NSD2: variants seen among roughly 807,000 people sequenced by gnomAD.
NSD2 encodes the protein nuclear receptor binding SET domain protein 2, also known as histone-lysine N-methyltransferase NSD2.
A neutral mutation model predicts 139.0 loss-of-function variants in NSD2; 12 were observed. That is an observed-to-expected ratio of 0.09 (90% CI 0.06 to 0.14). The LOEUF is 0.14. NSD2 is among the 10% of genes least tolerant of loss of function. NSD2 has a pLI of 1.00. For synonymous variants in NSD2, 669 were observed against 648.7 expected, an observed-to-expected ratio of 1.03 and a Z score of -0.48; for missense variants, 1,155 against 1,745.0, an observed-to-expected ratio of 0.66 and a Z score of 6.02.
Position 1,979,061 on chromosome 4 carries a change from C to T in NSD2, c.*152C>T. The T allele has an allele frequency of 3.1e-6, 3 of 969,508 alleles. No homozygotes were observed. The highest frequency in any genetic ancestry group is 4.3e-6 in the Non-Finnish European group (3 of 693,530). 60.1% of individuals were successfully genotyped at this position (969,508 alleles called of 1,614,324 possible). ...TCCTCGGGAGGGAGCGCCTCCCCAC[C>T]ACTGAGCCATCCTCAGCAGCGTCCG... is the stretch of plus-strand genomic sequence containing the variant. On this transcript the variant is annotated 3_prime_UTR_variant, in exon 22 of 22. Transcript: ENST00000508803.
At chr4:1,961,605 T>G (rs1725378116) in intron 18 of NSD2, among the ~76,000 whole-genome samples, 1 of 152,192 alleles carries the variant, frequency 6.6e-6, no homozygotes. Flanking sequence ...TTCTAACCAT[T>G]TTGGAACCTA....
At chr4:1,902,348 C>T (rs1297694930) in intron 2 of NSD2, among the ~76,000 whole-genome samples, 1 of 152,114 alleles carries the variant, frequency 6.6e-6, no homozygotes. Flanking sequence ...CCTCACCCTC[C>T]TGAGTAGTTG....
In NSD2 at chr4:1,900,785, G is replaced by T. The variant is rs1249333230; in HGVS notation, c.131G>T (p.Cys44Phe). ...CCGAGCTGCGAGGTGAACCGCGAGTGTTCTGTGTTCCTCAGCAAAGCCCAG... is the reference window on the plus strand; with the variant it reads ...CCGAGCTGCGAGGTGAACCGCGAGTTTTCTGTGTTCCTCAGCAAAGCCCAG... Reference protein sequence around the residue: ...KTPSCEVNRECSVFLSKAQLS... With the variant: ...KTPSCEVNREFSVFLSKAQLS... Residue 44 changes from cysteine (C) to phenylalanine (F), a missense_variant, in exon 2 of 22, where the codon TGT becomes TTT. By Grantham distance (205) the Cys-to-Phe change is radical. Transcript: ENST00000508803. The T allele has an allele frequency of 1.2e-6, 2 of 1,614,178 alleles. No individual in the cohort carries two copies. Among genetic ancestry groups the T allele is most frequent in the South Asian group, 2.2e-5 (2 of 91,082 alleles).
intron 1 of NSD2, among the ~76,000 whole-genome samples, chr4:1,877,958 G>A (rs879322410): frequency 1.2e-4 from 19 of 152,108 alleles, no homozygotes; most frequent in Non-Finnish European, 2.1e-4. Flanking sequence ...CAGCCCAGGA[G>A]TTTGAGGTTG....
intron 1 of NSD2, among the ~76,000 whole-genome samples, chr4:1,872,631 A>AGAGAGAGAGAGAGAGAGG (rs984225040): frequency 2.3e-5 from 3 of 133,312 alleles, no homozygotes; most frequent in East Asian, 2.2e-4. Flanking sequence ...AGAGAGAGAG[A>AGAGAGAGAGAGAGAGAGG]GAGAGCGCGC....
chr4:1,962,756 G>T (rs990256986), intron 18 of NSD2, among the ~76,000 whole-genome samples: 17 of 152,170 alleles, frequency 1.1e-4, no homozygotes, highest in South Asian at 4.2e-4. Context: ...CTGCAGCCTC[G>T]ATCTCCTGGG....
chr4:1,872,591 T>TGTGTGTGTGTGAGAGA (rs1281608141), intron 1 of NSD2, among the ~76,000 whole-genome samples: 1 of 44,892 alleles, frequency 2.2e-5, no homozygotes, highest in Non-Finnish European at 4.5e-5. Flanking sequence ...TGTGTGTGTG[T>TGTGTGTGTGTGAGAGA]GAGAGAGAGA....
chr4:1,946,848 C>T (rs1234858083), intron 9 of NSD2: 6 of 1,057,964 alleles, frequency 5.7e-6, no homozygotes, highest in Non-Finnish European at 3.4e-6. Flanking sequence ...CGACAGGCCT[C>T]ATCTTTTTGG....
chr4:1,977,998 G>A (rs1727285919), intron 21 of NSD2, among the ~76,000 whole-genome samples: 1 of 151,722 alleles, frequency 6.6e-6, no homozygotes. Context: ...GTGGTGGCGG[G>A]CGCCTGTAAT....
intron 9 of NSD2, chr4:1,943,164 C>T (rs890838959): frequency 1.2e-4 from 121 of 1,042,246 alleles, no homozygotes; most frequent in Non-Finnish European, 1.3e-4. Flanking sequence ...CCCAGGTGTC[C>T]GCATTTTTGC....
chr4:1,932,329 C>T (rs1721738801), intron 6 of NSD2, among the ~76,000 whole-genome samples: 2 of 151,046 alleles, frequency 1.3e-5, no homozygotes, highest in Admixed American at 1.3e-4. Context: ...ATCCCAGCTA[C>T]TCGGGAGGCT....
At chr4:1,945,140 T>C (rs1723485986) in intron 9 of NSD2, 1 of 1,066,434 alleles carries the variant, frequency 9.4e-7, no homozygotes. Flanking sequence ...TCTAGGGAGA[T>C]CTGATTTTGT....
chr4:1,976,818 C>A lies in NSD2; in HGVS notation c.3826+139C>A. On this transcript the variant is annotated intron_variant, in intron 21 of 21. Coordinates refer to ENST00000508803, the MANE Select transcript of NSD2 (RefSeq NM_001042424.3). The surrounding 1 kb of genome is among the most constrained non-coding windows in gnomAD (Gnocchi z 5.3). ...GCGCTCATGCAGCGAAGGCCCTGAT[C>A]CAGGGTGGCAGAGCCTTTCTTTGTT... is the stretch of plus-strand genomic sequence containing the variant. 1 of 862,178 alleles carries A rather than the reference C, an allele frequency of 1.2e-6. No homozygotes were observed. The highest frequency in any genetic ancestry group is 1.7e-6 in the Non-Finnish European group (1 of 573,838). The allele number at this position is 862,178 out of a possible 1,614,324, so 53.4% of individuals were successfully genotyped here.
chr4:1,964,077 C>T (rs1725635129), intron 18 of NSD2, among the ~76,000 whole-genome samples: 1 of 152,160 alleles, frequency 6.6e-6, no homozygotes, highest in South Asian at 2.1e-4. Flanking sequence ...CGTGAGCAGA[C>T]CTTCCTAATG....
chr4:1,896,278 C>T (rs1325415079), intron 1 of NSD2, among the ~76,000 whole-genome samples: 2 of 152,266 alleles, frequency 1.3e-5, no homozygotes, highest in Non-Finnish European at 2.9e-5. Context: ...GCCCCAGCAC[C>T]TAAACCCTGG....
chr4:1,876,766 G>A (rs573900990), intron 1 of NSD2, among the ~76,000 whole-genome samples: 72 of 151,624 alleles, frequency 4.7e-4, no homozygotes, highest in Admixed American at 4.5e-3. Flanking sequence ...TTTTTTTTCT[G>A]GAAGGAATTG....
At chr4:1,934,376 T>C (rs1039522220) in intron 6 of NSD2, among the ~76,000 whole-genome samples, 22 of 148,998 alleles carry the variant, frequency 1.5e-4, no homozygotes, top group African/African-American at 4.7e-4. Flanking sequence ...TGAGCCACCA[T>C]GCCCGGCCTA....
At chr4:1,919,906 A>C (rs917645437) in intron 5 of NSD2, among the ~76,000 whole-genome samples, 2 of 152,242 alleles carry the variant, frequency 1.3e-5, no homozygotes, top group South Asian at 4.2e-4. Context: ...ACTGCACTCC[A>C]GCCTGGCGAC....
chr4:1,875,333 G>A (rs1297950915), intron 1 of NSD2, among the ~76,000 whole-genome samples: 1 of 148,354 alleles, frequency 6.7e-6, no homozygotes, highest in Non-Finnish European at 1.5e-5. Flanking sequence ...CCAGGTTAGA[G>A]TGGAGTCATA....
Sources: gnomAD v4.1 joint callset for allele counts (sites outside exome capture counted in the v4.1 genomes callset) on GRCh38, gnomAD v4.1.1 for gene constraint, Gnocchi (gnomAD v3.1) non-coding constraint, MANE v1.5 for transcripts, NCBI Gene and HGNC (gene_info 2026-07-23, HGNC 2026-07-21) for gene names.